Variants in PRKAG1 observed in about 807,000 individuals in gnomAD.
PRKAG1 encodes 5'-AMP-activated protein kinase subunit gamma-1.
Under a neutral mutation model 48.2 loss-of-function variants are expected in PRKAG1, and 27 were observed. The ratio of observed to expected loss-of-function variants is 0.56; its 90% CI spans 0.41 to 0.77. The LOEUF is 0.77. PRKAG1 is among the 30% of genes least tolerant of loss of function. PRKAG1 has a pLI of 0.00. For synonymous variants in PRKAG1, 130 were observed against 147.7 expected, an observed-to-expected ratio of 0.88 and a Z score of 0.87; for missense variants, 287 against 398.3, an observed-to-expected ratio of 0.72 and a Z score of 2.38.
intron 1 of PRKAG1, 61 bp from the exon 2 acceptor site, chr12:49,013,171 A>T (rs1941827777): frequency 7.0e-7 from 1 of 1,433,922 alleles, no homozygotes; most frequent in African/African-American, 1.4e-5. Context: ...GCCTAGCAAC[A>T]TTAGGGGAAG....
At chr12:49,013,437 G>A (rs1404051758) in intron 1 of PRKAG1, among the ~76,000 whole-genome samples, 1 of 152,094 alleles carries the variant, frequency 6.6e-6, no homozygotes, top group Non-Finnish European at 1.5e-5. Context: ...TAGAGATGGA[G>A]TTTTGCCATG....
At chr12:49,006,487 C>T (rs1202699678) in intron 2 of PRKAG1, among the ~76,000 whole-genome samples, 1 of 152,180 alleles carries the variant, frequency 6.6e-6, no homozygotes, top group Non-Finnish European at 1.5e-5. Context: ...GCTCAAAACA[C>T]CCTGATAGTC....
Position 49,005,965 on chromosome 12 carries a change from A to T in PRKAG1, c.59-113T>A. ...TCAAATATTTAGAGCATTATTTTTT[A>T]ATAAGACCCCTTATTTTATCTGTCT... On this transcript the variant is annotated intron_variant, in intron 2 of 11. Coordinates refer to ENST00000548065, the MANE Select transcript of PRKAG1 (RefSeq NM_002733.5). The surrounding 1 kb of genome is among the most constrained non-coding windows in gnomAD (Gnocchi z 4.1). The T allele has an allele frequency of 1.3e-6, 1 of 757,976 alleles. No homozygotes were observed. Among genetic ancestry groups the T allele is most frequent in the South Asian group, 1.9e-5 (1 of 53,438 alleles). 47.0% of individuals were successfully genotyped at this position (757,976 alleles called of 1,614,324 possible).
At chr12:49,007,676 T>C (rs1419066226) in intron 2 of PRKAG1, among the ~76,000 whole-genome samples, 4 of 152,122 alleles carry the variant, frequency 2.6e-5, no homozygotes, top group Non-Finnish European at 5.9e-5. Flanking sequence ...TTAAATAACA[T>C]GCTTGTATTG....
chr12:49,013,074 C>T lies in PRKAG1; in HGVS notation c.46G>A (p.Glu16Lys). 1 of 1,613,550 alleles carries T rather than the reference C, an allele frequency of 6.2e-7. No individual in the cohort carries two copies. The highest frequency in any genetic ancestry group is 8.5e-7 in the Non-Finnish European group (1 of 1,179,470). The change falls in exon 2 of 12, where the codon GAG becomes AAG. Residue 16 changes from glutamate (E) to lysine (K), a missense_variant. Physicochemically the swap from Glu to Lys is moderately conservative, Grantham distance 56 (BLOSUM62 1). Transcript: ENST00000548065. ...TCAGTAAACTTACCTTGAGGATGCTCATTTTCCACAGCTGGGGAGCTATCT... is the reference window on the plus strand; with the variant it reads ...TCAGTAAACTTACCTTGAGGATGCTTATTTTCCACAGCTGGGGAGCTATCT... ...SSDSSPAVEN[E>K]HPQETPESNN...
chr12:49,014,355 A>C (rs1345199929), intron 1 of PRKAG1, among the ~76,000 whole-genome samples: 3 of 152,212 alleles, frequency 2.0e-5, no homozygotes, highest in Non-Finnish European at 4.4e-5. Context: ...CTTGTACACT[A>C]TACTGCCTAA....
intron 7 of PRKAG1, 31 bp from the exon 8 acceptor site, chr12:49,004,664 C>T (rs1010097323): frequency 6.2e-7 from 1 of 1,613,644 alleles, no homozygotes; most frequent in Non-Finnish European, 8.5e-7. Flanking sequence ...ATAAGTTCCA[C>T]AGTGCTGGGG....
At chr12:49,006,531 C>G (rs930918008) in intron 2 of PRKAG1, among the ~76,000 whole-genome samples, 41 of 152,208 alleles carry the variant, frequency 2.7e-4, no homozygotes, top group African/African-American at 9.7e-4. Flanking sequence ...CAGAAATCAT[C>G]CCACCTACTC....
intron 10 of PRKAG1, 121 bp from the exon 11 acceptor site, chr12:49,003,411 A>G (rs1006507003): frequency 1.3e-6 from 2 of 1,529,558 alleles, no homozygotes; most frequent in Non-Finnish European, 1.8e-6. Context: ...CACCCAACTC[A>G]TTCAATTCCT....
chr12:49,015,905 A>G (rs889004899), intron 1 of PRKAG1, among the ~76,000 whole-genome samples: 1 of 149,208 alleles, frequency 6.7e-6, no homozygotes, highest in African/African-American at 2.5e-5. Context: ...CTGTTTCACC[A>G]TATCAGAGGG....
intron 2 of PRKAG1, among the ~76,000 whole-genome samples, chr12:49,009,120 CT>C (rs1173409489): frequency 3.9e-3 from 517 of 133,040 alleles, no homozygotes; most frequent in African/African-American, 5.8e-3. Flanking sequence ...CTTTCCTCTC[CT>C]TTTTTTTTTT....
At chr12:49,010,932 C>G (rs1406024535) in intron 2 of PRKAG1, among the ~76,000 whole-genome samples, 2 of 151,996 alleles carry the variant, frequency 1.3e-5, no homozygotes, top group East Asian at 3.9e-4. Flanking sequence ...CAACCTCCTC[C>G]TCCTGAGTTC....
intron 2 of PRKAG1, among the ~76,000 whole-genome samples, chr12:49,010,340 T>C (rs1211117263): frequency 1.3e-5 from 2 of 152,178 alleles, no homozygotes; most frequent in Non-Finnish European, 1.5e-5. Context: ...AATACTTATA[T>C]ATTTTAGGAC....
chr12:49,004,549 G>A lies in PRKAG1; in HGVS notation c.495C>T (p.Tyr165=), dbSNP rs774743053. 1.2e-6 allele frequency: 2 copies of A among 1,614,170 alleles called. No homozygotes were observed. Among genetic ancestry groups the A allele is most frequent in the Non-Finnish European group, 1.7e-6 (2 of 1,180,026 alleles). The part of the protein sequence containing the change: ...VIDPESGNTL[Y]ILTHKRILKF... ...TCAGAATGCGCTTGTGGGTGAGGAT[G>A]TACAAAGTATTGCCTGATTCTGGGT... The change falls in exon 8 of 12, where the codon TAC becomes TAT. Residue 165 remains tyrosine, a synonymous_variant. Coordinates refer to ENST00000548065, the MANE Select transcript of PRKAG1 (RefSeq NM_002733.5).
intron 1 of PRKAG1, among the ~76,000 whole-genome samples, chr12:49,014,386 G>A (rs981553377): frequency 6.6e-6 from 1 of 152,188 alleles, no homozygotes; most frequent in Non-Finnish European, 1.5e-5. Flanking sequence ...GGTCCTAAAA[G>A]CTAAGACTAA....
At chr12:49,017,032 G>C (rs1002655180) in intron 1 of PRKAG1, 2 of 427,266 alleles carry the variant, frequency 4.7e-6, no homozygotes. Flanking sequence ...AATTTGCAGT[G>C]CCCTCTCCTA....
intron 2 of PRKAG1, among the ~76,000 whole-genome samples, chr12:49,012,378 C>CT (rs112289958): frequency 0.049 from 7,017 of 142,120 alleles, 559 homozygotes; most frequent in African/African-American, 0.16. Flanking sequence ...TTTTTTCTTT[C>CT]TTTTTTTTTT....
rs1941360878 is a variant in PRKAG1, at chr12:49,003,173, TC to T, written c.858del (p.Thr287ProfsTer6). ...GCTTCCACTAGCCTGTTGATGATGG[TC>T]TCCAGAGTCTCATGCAGGTAGCACT... ...VLKCYLHETL[E>X]TIINRLVEAE... is the part of the protein sequence containing the mutation. On this transcript the variant is annotated frameshift_variant, in exon 11 of 12. Transcript: ENST00000548065. LOFTEE classifies it high-confidence loss of function. 1.9e-6 allele frequency: 3 copies of T among 1,614,012 alleles called. No individual in the cohort carries two copies. The highest frequency in any genetic ancestry group is 2.5e-6 in the Non-Finnish European group (3 of 1,180,036).
chr12:49,016,088 C>T (rs1448691492), intron 1 of PRKAG1, among the ~76,000 whole-genome samples: 2 of 152,034 alleles, frequency 1.3e-5, no homozygotes, highest in East Asian at 1.9e-4. Flanking sequence ...CAGGAACATA[C>T]CACCAGGCCC....
Sources: gnomAD v4.1 joint callset for allele counts (sites outside exome capture counted in the v4.1 genomes callset) on GRCh38, gnomAD v4.1.1 for gene constraint, Gnocchi (gnomAD v3.1) non-coding constraint, MANE v1.5 for transcripts, NCBI Gene and HGNC (gene_info 2026-07-23, HGNC 2026-07-21) for gene names.